Variants in TARS1 observed in about 807,000 individuals in gnomAD.
TARS1 encodes the protein threonine--tRNA ligase 1, cytoplasmic.
TARS1 carries 57 observed loss-of-function variants against 97.7 expected under a neutral mutation model. That is an observed-to-expected ratio of 0.58 (90% CI 0.47 to 0.73). TARS1 has a LOEUF of 0.73. Among genes scored for constraint, TARS1 ranks in the 30% least tolerant of loss-of-function variants. TARS1 has a pLI of 0.00. For missense variants in TARS1, 806 were observed against 888.3 expected (o/e 0.91, Z 1.18); for synonymous variants, 312 against 293.7 (o/e 1.06, Z -0.64).
At chr5:33,448,423 C>T (rs1180174506) in intron 2 of TARS1, 118 bp from the exon 3 acceptor site, 2 of 836,394 alleles carry the variant, frequency 2.4e-6, no homozygotes, top group Non-Finnish European at 3.4e-6. Flanking sequence ...TGTTTATTTA[C>T]CACATTGAAT....
chr5:33,446,901 A>G, intron 2 of TARS1: 1 of 431,658 alleles, frequency 2.3e-6, no homozygotes, highest in Non-Finnish European at 3.9e-6. Flanking sequence ...TCACCATTGA[A>G]GGTTATGGAC....
In TARS1 at chr5:33,459,885, A is replaced by G. The variant is rs202007745; in HGVS notation, c.1250+24A>G. Reference sequence around the variant, plus strand: ...TGGTATTCGGCAGCTTTGAATTTCTACTGAAGATTTTCACATGCTACAATT... The same window carrying G: ...TGGTATTCGGCAGCTTTGAATTTCTGCTGAAGATTTTCACATGCTACAATT... On this transcript the variant is annotated intron_variant, in intron 11 of 18. Transcript: ENST00000265112. The G allele has an allele frequency of 2.2e-5, 35 of 1,594,944 alleles. No homozygotes were observed. In the East Asian group the frequency reaches 5.4e-4, roughly 25 times the overall value.
chr5:33,458,446 C>A, intron 9 of TARS1, 120 bp from the exon 10 acceptor site: 1 of 704,172 alleles, frequency 1.4e-6, no homozygotes, highest in East Asian at 2.9e-5. Flanking sequence ...AGGAGTGGCA[C>A]TGATTGAAAT....
intron 6 of TARS1, 123 bp from the exon 7 acceptor site, chr5:33,455,879 A>G: frequency 5.0e-6 from 5 of 1,004,014 alleles, no homozygotes; most frequent in Admixed American, 2.7e-5. Context: ...CCATTCCTTC[A>G]ACATGTTTTT....
chr5:33,462,808 G>A (rs758955360), intron 16 of TARS1, among the ~76,000 whole-genome samples: 32 of 152,170 alleles, frequency 2.1e-4, no homozygotes, highest in South Asian at 2.1e-4. Context: ...AAAAGCACCC[G>A]TGTGTAGAGC....
chr5:33,454,232 G>T, intron 4 of TARS1, among the ~76,000 whole-genome samples: 1 of 152,164 alleles, frequency 6.6e-6, no homozygotes, highest in East Asian at 1.9e-4. Context: ...GGGAGACAAA[G>T]TATTTTGTTT....
At chr5:33,452,673 A>G (rs962787125) in intron 3 of TARS1, among the ~76,000 whole-genome samples, 5 of 152,148 alleles carry the variant, frequency 3.3e-5, no homozygotes, top group Admixed American at 2.6e-4. Context: ...TATCATAGGC[A>G]TTTGCAGAAT....
At position 33,456,187 on chromosome 5, in the gene TARS1, T is replaced by G; in HGVS notation, c.797T>G (p.Val266Gly). Residue 266 changes from valine (V) to glycine (G), a missense_variant, in exon 8 of 19, where the codon GTT becomes GGT. Physicochemically the swap from Val to Gly is moderately radical, Grantham distance 109 (BLOSUM62 -3). Around this residue, in one of 3 missense-constraint regions of TARS1, gnomAD observed 356 missense variants for 357.8 expected, o/e 0.99. Coordinates refer to ENST00000265112, the MANE Select transcript of TARS1 (RefSeq NM_152295.5). ...PLIDLCRGPH[V>G]RHTGKIKALK... The stretch of plus-strand genomic sequence containing the variant: ...ATAGATCTCTGCCGGGGTCCTCATG[T>G]TAGACACACGGGCAAAATTAAGGCT... The G allele has an allele frequency of 6.2e-7, 1 of 1,614,092 alleles. No homozygotes were observed. The highest frequency in any genetic ancestry group is 8.5e-7 in the Non-Finnish European group (1 of 1,179,960).
At chr5:33,449,987 G>A (rs947203484) in intron 3 of TARS1, among the ~76,000 whole-genome samples, 3 of 152,078 alleles carry the variant, frequency 2.0e-5, no homozygotes, top group African/African-American at 7.2e-5. Flanking sequence ...CAAGGTTTGG[G>A]GGATAGCGAG....
At chr5:33,462,310 G>T (rs536932064) in intron 16 of TARS1, 107 bp downstream of exon 16, 16 of 1,053,686 alleles carry the variant, frequency 1.5e-5, no homozygotes, top group Non-Finnish European at 2.3e-5. Context: ...ATTCCAATCG[G>T]TTGCTTCTAA....
At chr5:33,461,494 T>C (rs1178424819) in intron 13 of TARS1, among the ~76,000 whole-genome samples, 173 bp from the exon 14 acceptor site, 1 of 152,238 alleles carries the variant, frequency 6.6e-6, no homozygotes, top group South Asian at 2.1e-4. Context: ...TTTTCAGTTA[T>C]CAAGCTATAA....
chr5:33,449,358 T>TATATATATATATATATATGTATAG (rs59141272), intron 3 of TARS1, among the ~76,000 whole-genome samples: 1 of 146,404 alleles, frequency 6.8e-6, no homozygotes, highest in African/African-American at 2.6e-5. Context: ...TATATATATA[T>TATATATATATATATATATGTATAG]CTTAAACTGG....
chr5:33,457,532 C>A, intron 9 of TARS1, 129 bp downstream of exon 9: 1 of 971,344 alleles, frequency 1.0e-6, no homozygotes, highest in East Asian at 2.5e-5. Context: ...GTAACTGGTG[C>A]TATGTCCTGT....
chr5:33,461,579 AG>A (rs1742294231), intron 13 of TARS1, 87 bp from the exon 14 acceptor site: 2 of 1,306,838 alleles, frequency 1.5e-6, no homozygotes, highest in Non-Finnish European at 2.2e-6. Context: ...GATCTATGAA[AG>A]TAATTACTGT....
Position 33,462,221 on chromosome 5 carries a change from CT to C in TARS1, c.1835+26del. 2 of 1,595,790 alleles carry C rather than the reference CT, an allele frequency of 1.3e-6. No individual in the cohort carries two copies. The highest frequency in any genetic ancestry group is 1.7e-6 in the Non-Finnish European group (2 of 1,167,408). On this transcript the variant is annotated intron_variant, in intron 16 of 18. Coordinates refer to ENST00000265112, the MANE Select transcript of TARS1 (RefSeq NM_152295.5). ...GGCAAATGGTAATTTTTGTCACTGT[CT>C]TTTTTTTCTGATTAGTATAAATTGG... is the stretch of plus-strand genomic sequence containing the variant.
intron 17 of TARS1, among the ~76,000 whole-genome samples, chr5:33,465,826 T>C (rs1742505966): frequency 6.6e-6 from 1 of 152,212 alleles, no homozygotes; most frequent in African/African-American, 2.4e-5. Flanking sequence ...TCATTTAGAA[T>C]CTTTTTCAAT....
intron 1 of TARS1, among the ~76,000 whole-genome samples, chr5:33,442,793 C>G (rs1463374867): frequency 6.6e-6 from 1 of 152,172 alleles, no homozygotes; most frequent in East Asian, 1.9e-4. Context: ...CGTGATCCAC[C>G]GCGCCCGGCC....
At chr5:33,452,706 T>G (rs1197350237) in intron 3 of TARS1, among the ~76,000 whole-genome samples, 3 of 152,308 alleles carry the variant, frequency 2.0e-5, no homozygotes, top group Non-Finnish European at 4.4e-5. Context: ...TAGCATTGTC[T>G]GTCAAAGAAA....
chr5:33,452,364 T>C (rs909224336), intron 3 of TARS1: 28 of 1,535,278 alleles, frequency 1.8e-5, no homozygotes, highest in Non-Finnish European at 2.1e-5. Context: ...TGCAAAAACC[T>C]CTCTTCACTT....
Sources: gnomAD v4.1 joint callset for allele counts (sites outside exome capture counted in the v4.1 genomes callset) on GRCh38, gnomAD v4.1.1 for gene constraint, gnomAD v4.1.1 regional missense constraint, MANE v1.5 for transcripts, NCBI Gene and HGNC (gene_info 2026-07-23, HGNC 2026-07-21) for gene names.